ZNF624: variants seen among roughly 807,000 people sequenced by gnomAD.
The protein encoded by ZNF624 is zinc finger protein 624.
A neutral mutation model predicts 74.7 loss-of-function variants in ZNF624; 43 were observed. The ratio of observed to expected loss-of-function variants is 0.58; its 90% confidence interval spans 0.45 to 0.74. The LOEUF (loss-of-function observed/expected upper bound fraction) is 0.74. ZNF624 is among the 30% of genes least tolerant of loss of function. The pLI, the probability that ZNF624 is intolerant of heterozygous loss-of-function variation, is 0.00. For synonymous variants in ZNF624, 331 were observed against 341.3 expected (o/e 0.97, Z 0.33); for missense variants, 820 against 1,030.0 (o/e 0.80, Z 2.79).
rs573011278 is a variant in ZNF624, at chr17:16,651,563, A to G, written c.-2-1817T>C. On this transcript the variant is annotated intron_variant, in intron 1 of 5. Coordinates refer to ENST00000311331, the MANE Select transcript of ZNF624 (RefSeq NM_020787.4). ...AGAAGTTGAGGGAGGAAAGCGGTACAGTGTGGAGATAAAAGAGGTAAAGAA... is the reference window on the plus strand; with the variant it reads ...AGAAGTTGAGGGAGGAAAGCGGTACGGTGTGGAGATAAAAGAGGTAAAGAA... Among the ~76,000 whole-genome samples, 5 of 152,282 alleles carry G rather than the reference A, an allele frequency of 3.3e-5. No homozygotes were observed. The South Asian group carries it at 8.3e-4, about 25-fold the overall frequency.
intron 5 of ZNF624, among the ~76,000 whole-genome samples, chr17:16,631,899 C>A (rs76712398): frequency 6.6e-6 from 1 of 152,010 alleles, no homozygotes; most frequent in African/African-American, 2.4e-5. Context: ...TTAGATTAAA[C>A]GGAACAATCC....
At position 16,624,195 on chromosome 17, in the gene ZNF624, A is replaced by C; in HGVS notation, c.691T>G (p.Phe231Val). ...HSRCQTQEEN[F>V]TENLNLITDT... is the part of the protein sequence containing the mutation. ...GTAATCAAATTTAAATTCTCTGTGAAATTTTCCTCTTGTGTTTGGCATCTG... is the reference window on the plus strand; with the variant it reads ...GTAATCAAATTTAAATTCTCTGTGACATTTTCCTCTTGTGTTTGGCATCTG... The change falls in exon 6 of 6, where the codon TTC becomes GTC. Residue 231 changes from phenylalanine (F) to valine (V), a missense_variant. By Grantham distance (50) the Phe-to-Val change is conservative. Transcript: ENST00000311331. 6.2e-7 allele frequency: 1 copy of C among 1,614,132 alleles called. No individual in the cohort carries two copies. Among genetic ancestry groups the C allele is most frequent in the Non-Finnish European group, 8.5e-7 (1 of 1,180,036 alleles).
chr17:16,623,503 C>T lies in ZNF624; in HGVS notation c.1383G>A (p.Val461=). 6.2e-7 allele frequency: 1 copy of T among 1,610,752 alleles called. No homozygotes were observed. Among genetic ancestry groups the T allele is most frequent in the Non-Finnish European group, 8.5e-7 (1 of 1,179,012 alleles). ...KSFKNTTIFN[V]HQRIHTGEKP... ...TCTCTCCAGTATGAATCCTCTGATGCACATTAAAAATTGTGGTATTCTTAA... is the reference window on the plus strand; with the variant it reads ...TCTCTCCAGTATGAATCCTCTGATGTACATTAAAAATTGTGGTATTCTTAA... The change falls in exon 6 of 6, where the codon GTG becomes GTA. Residue 461 remains valine, a synonymous_variant. Coordinates refer to ENST00000311331, the MANE Select transcript of ZNF624 (RefSeq NM_020787.4). The surrounding 1 kb of genome is among the most constrained non-coding windows in gnomAD (Gnocchi z 5.3).
chr17:16,648,510 T>C (rs1332871469), intron 2 of ZNF624, among the ~76,000 whole-genome samples: 2 of 152,250 alleles, frequency 1.3e-5, no homozygotes, highest in African/African-American at 4.8e-5. Flanking sequence ...TAGACAAATA[T>C]GGTTATACCT....
At position 16,627,403 on chromosome 17, in the gene ZNF624, G is replaced by A. The variant is rs143763640; in HGVS notation, c.377-2894C>T. On this transcript the variant is annotated intron_variant, in intron 5 of 5. Transcript: ENST00000311331. ...TTTGAGAGGTCTGCACTTTGGGGAT[G>A]TCAGAGGAAGTCATTTGGACCAACT... Among the ~76,000 whole-genome samples, 317 of 152,348 alleles carry A rather than the reference G, an allele frequency of 2.1e-3. 2 individuals are homozygous for A. Among genetic ancestry groups the A allele is most frequent in the African/African-American group, 7.3e-3 (302 of 41,580 alleles).
At chr17:16,633,811 A>G (rs1337464306) in intron 5 of ZNF624, 51 bp downstream of exon 5, 3 of 1,385,106 alleles carry the variant, frequency 2.2e-6, no homozygotes, top group African/African-American at 1.4e-5. Flanking sequence ...ACATCCCCCT[A>G]TAGTCTGTTA....
intron 3 of ZNF624, among the ~76,000 whole-genome samples, chr17:16,640,540 G>C (rs1909443400): frequency 6.6e-6 from 1 of 151,830 alleles, no homozygotes; most frequent in African/African-American, 2.4e-5. Flanking sequence ...AAAGAGAGAA[G>C]ACACAAATTA....
rs1265174509 is a variant in ZNF624 at position 16,621,510 on chromosome 17, A to G, written c.*778T>C. ...GTGGAAGTATGTTACACAACCTTTA[A>G]GTAATAGTACATGGTTTCCCAAACC... On this transcript the variant is annotated 3_prime_UTR_variant, in exon 6 of 6. Coordinates refer to ENST00000311331, the MANE Select transcript of ZNF624 (RefSeq NM_020787.4). The G allele has an allele frequency of 6.6e-6, 1 of 152,238 alleles. No individual in the cohort carries two copies. Among genetic ancestry groups the G allele is most frequent in the Non-Finnish European group, 1.5e-5 (1 of 68,044 alleles). The allele number at this position is 152,238 out of a possible 1,614,324, so 9.4% of individuals were successfully genotyped here.
At position 16,622,643 on chromosome 17, in the gene ZNF624, C is replaced by A. The variant is rs560195252; in HGVS notation, c.2243G>T (p.Gly748Val). 6.2e-7 allele frequency: 1 copy of A among 1,614,088 alleles called. No homozygotes were observed. The highest frequency in any genetic ancestry group is 8.5e-7 in the Non-Finnish European group (1 of 1,179,968). The change falls in exon 6 of 6, where the codon GGA (glycine) becomes GTA (valine). Residue 748 changes from glycine to valine, a missense_variant. Gly to Val is a moderately radical substitution (Grantham distance 109, BLOSUM62 -3). Coordinates refer to ENST00000311331, the MANE Select transcript of ZNF624 (RefSeq NM_020787.4). ...GACATCACACTTATAGGGCTTCTCT[C>A]CACTATGGATTTTCTGATGTTCTGT... ...HVTEHQKIHSGEKPYKCDVCG... is the reference protein window; with the variant it reads ...HVTEHQKIHSVEKPYKCDVCG...
Position 16,647,199 on chromosome 17 carries a change from C to G in ZNF624, c.153+130G>C, listed in dbSNP as rs1312484031. On this transcript the variant is annotated intron_variant, in intron 3 of 5. Coordinates refer to ENST00000311331, the MANE Select transcript of ZNF624 (RefSeq NM_020787.4). ...AATGAAATCTGTTAAATTGATGCCA[C>G]CAGCCCTGGGGCTACCACACCAATC... is the stretch of plus-strand genomic sequence containing the variant. 8 of 803,494 alleles carry G rather than the reference C, an allele frequency of 1.0e-5. No homozygotes were observed. In the East Asian group the frequency reaches 1.8e-4, roughly 18 times the overall value. The allele number at this position is 803,494 out of a possible 1,614,324, so 49.8% of individuals were successfully genotyped here. A position where few individuals can be genotyped will look rare whatever the true frequency, so the allele number is the denominator to read the frequency against.
Position 16,622,481 on chromosome 17 carries a change from T to C in ZNF624, c.2405A>G (p.His802Arg), listed in dbSNP as rs1241626267. Residue 802 changes from histidine to arginine, a missense_variant, in exon 6 of 6, where the codon CAT (histidine) becomes CGT (arginine). Transcript: ENST00000311331. The stretch of plus-strand genomic sequence containing the variant: ...ACATTTATAGGGCCTCTCCCCAGTA[T>C]GAATTCTCTGATGTAGGGTTAGCTG... The part of the protein sequence containing the change: ...LSQLTLHQRI[H>R]TGERPYKCEE... The C allele has an allele frequency of 1.9e-6, 3 of 1,613,870 alleles. No homozygotes were observed. Among genetic ancestry groups the C allele is most frequent in the Non-Finnish European group, 2.5e-6 (3 of 1,179,908 alleles).
Position 16,622,973 on chromosome 17 carries a change from T to G in ZNF624, c.1913A>C (p.Lys638Thr). ...TCCACAGTCATAACATTTATAGGGT[T>G]TCACTCCAGTATGAATTTTCTGATG... ...KEHQKIHTGV[K>T]PYKCYDCGKS... The change falls in exon 6 of 6, where the codon AAA becomes ACA. Residue 638 changes from lysine (K) to threonine (T), a missense_variant. Lys to Thr is a moderately conservative substitution (Grantham distance 78). Coordinates refer to ENST00000311331, the MANE Select transcript of ZNF624 (RefSeq NM_020787.4). The G allele has an allele frequency of 6.2e-7, 1 of 1,614,088 alleles. No homozygotes were observed. The highest frequency in any genetic ancestry group is 8.5e-7 in the Non-Finnish European group (1 of 1,179,966).
chr17:16,624,720 T>TA (rs931175749), intron 5 of ZNF624: 16 of 480,858 alleles, frequency 3.3e-5, no homozygotes, highest in African/African-American at 2.6e-4. Flanking sequence ...ACTTTCCCGT[T>TA]AAAAAAGTCC....
downstream of ZNF624, among the ~76,000 whole-genome samples, chr17:16,618,850 A>G (rs1195911700): frequency 1.3e-5 from 2 of 152,212 alleles, no homozygotes; most frequent in African/African-American, 2.4e-5. Context: ...TACACAAAAT[A>G]TGTGTTAATT....
intron 3 of ZNF624, among the ~76,000 whole-genome samples, chr17:16,644,426 C>T (rs1019368921): frequency 1.3e-5 from 2 of 152,182 alleles, no homozygotes; most frequent in Admixed American, 6.5e-5. Flanking sequence ...TAAAAGAGTA[C>T]CCATTTATTT....
chr17:16,616,828 GACA>G (rs1908801457), downstream of ZNF624: 7 of 1,063,836 alleles, frequency 6.6e-6, no homozygotes, highest in African/African-American at 1.6e-5. Context: ...ATAGTGTGCA[GACA>G]ACAAGAGAGT....
chr17:16,643,980 C>A (rs1909527603), intron 3 of ZNF624, among the ~76,000 whole-genome samples: 1 of 152,150 alleles, frequency 6.6e-6, no homozygotes, highest in South Asian at 2.1e-4. Context: ...TGGTGCCATC[C>A]TCATGGTAAT....
rs559250601 is a variant in ZNF624 at position 16,651,595 on chromosome 17, G to C, written c.-2-1849C>G. ...AGATAAAAGAGGTAAAGAAAGAATAGTCTGAGGGGATTCCTGTATTGAAGC... is the reference window on the plus strand; with the variant it reads ...AGATAAAAGAGGTAAAGAAAGAATACTCTGAGGGGATTCCTGTATTGAAGC... On this transcript the variant is annotated intron_variant, in intron 1 of 5. Transcript: ENST00000311331. Among the ~76,000 whole-genome samples the C allele has an allele frequency of 1.4e-3, 213 of 152,234 alleles. 1 individual carries two copies. The highest frequency in any genetic ancestry group is 5.0e-3 in the African/African-American group (209 of 41,534).
intron 2 of ZNF624, among the ~76,000 whole-genome samples, chr17:16,648,650 T>C (rs1479746692): frequency 6.6e-6 from 1 of 152,248 alleles, no homozygotes; most frequent in Non-Finnish European, 1.5e-5. Flanking sequence ...ATCATTACTA[T>C]AACAAATTAT....
Sources: allele counts gnomAD v4.1 joint callset (sites outside exome capture counted in the v4.1 genomes callset), GRCh38; gene constraint gnomAD v4.1.1; non-coding constraint Gnocchi (gnomAD v3.1); transcripts MANE v1.5; gene names NCBI Gene and HGNC (gene_info 2026-07-23, HGNC 2026-07-21).